NUS1: variants seen among roughly 807,000 people sequenced by gnomAD.
NUS1 encodes dehydrodolichyl diphosphate synthase complex subunit NUS1.
For missense variants in NUS1, 292 were observed against 382.9 expected (o/e 0.76, Z 1.98); for synonymous variants, 135 against 155.2 (o/e 0.87, Z 0.97).
At position 117,710,196 on chromosome 6, in the gene NUS1, G is replaced by T. The variant is rs1773555445; in HGVS notation, c.*3181G>T. 1.3e-5 allele frequency: 2 copies of T among 152,104 alleles called. No homozygotes were observed. Among genetic ancestry groups the T allele is most frequent in the Admixed American group, 6.5e-5 (1 of 15,278 alleles). The allele number at this position is 152,104 out of a possible 1,614,324, so 9.4% of individuals were successfully genotyped here. On this transcript the variant is annotated 3_prime_UTR_variant, in exon 5 of 5. Coordinates refer to ENST00000368494, the MANE Select transcript of NUS1 (RefSeq NM_138459.5). ...TAAGAGTTATGGTTTGTCTTATGCT[G>T]CATAGACTATTCACCTCCTAACTTG...
At chr6:117,678,677 GTTTTT>G in intron 1 of NUS1, among the ~76,000 whole-genome samples, 1 of 100,312 alleles carries the variant, frequency 1.0e-5, no homozygotes, top group Admixed American at 1.1e-4. Flanking sequence ...TTTTTCAGTG[GTTTTT>G]TTTTTTTTTT....
chr6:117,677,127 T>C (rs897913988), intron 1 of NUS1, among the ~76,000 whole-genome samples: 1 of 152,314 alleles, frequency 6.6e-6, no homozygotes, highest in East Asian at 1.9e-4. Flanking sequence ...TCAGTACTTA[T>C]TGGGTAGCTA....
intron 1 of NUS1, among the ~76,000 whole-genome samples, chr6:117,690,228 T>A (rs1773195586): frequency 6.6e-6 from 1 of 152,240 alleles, no homozygotes; most frequent in Non-Finnish European, 1.5e-5. Context: ...TGTTTCAAAA[T>A]GTTCACTTTT....
chr6:117,696,906 A>C (rs1436711811), intron 3 of NUS1, among the ~76,000 whole-genome samples: 6 of 152,254 alleles, frequency 3.9e-5, no homozygotes, highest in Non-Finnish European at 1.5e-5. Flanking sequence ...CTGTCAAGTA[A>C]AAAGACTAAA....
chr6:117,676,735 A>G (rs1027787348), intron 1 of NUS1, among the ~76,000 whole-genome samples: 1 of 152,218 alleles, frequency 6.6e-6, no homozygotes, highest in Non-Finnish European at 1.5e-5. Context: ...CAAAGATCGG[A>G]ATGAGGATAT....
chr6:117,675,514 G>C lies in NUS1; in HGVS notation c.-157G>C. The C allele has an allele frequency of 1.5e-6, 1 of 688,124 alleles. No individual in the cohort carries two copies. Among genetic ancestry groups the C allele is most frequent in the East Asian group, 2.8e-5 (1 of 35,808 alleles). The allele number at this position is 688,124 out of a possible 1,614,324, so 42.6% of individuals were successfully genotyped here. On this transcript the variant is annotated 5_prime_UTR_variant, in exon 1 of 5. Coordinates refer to ENST00000368494, the MANE Select transcript of NUS1 (RefSeq NM_138459.5). ...GCCAAGGGAGGAGGAAGATGGCGGC[G>C]GGGGCGAGGTGAGGTGTTGGCAGTG...
rs114933935 is a variant in NUS1 at position 117,692,665 on chromosome 6, C to T, written c.416-377C>T. On this transcript the variant is annotated intron_variant, in intron 1 of 4. Transcript: ENST00000368494. ...GGTACATTAGACTGTGAGTGAGGAACATAACAGGCTCTAGACCACTGCTGC... is the reference window on the plus strand; with the variant it reads ...GGTACATTAGACTGTGAGTGAGGAATATAACAGGCTCTAGACCACTGCTGC... Among the ~76,000 whole-genome samples, 651 of 152,194 alleles carry T rather than the reference C, an allele frequency of 4.3e-3. 2 individuals are homozygous for T. Among genetic ancestry groups the T allele is most frequent in the African/African-American group, 0.015 (608 of 41,548 alleles).
At chr6:117,701,331 G>A (rs1317397070) in intron 3 of NUS1, among the ~76,000 whole-genome samples, 1 of 148,772 alleles carries the variant, frequency 6.7e-6, no homozygotes. Flanking sequence ...TGCAGACTCT[G>A]CCTCCCGGGT....
At position 117,707,243 on chromosome 6, in the gene NUS1, A is replaced by T. The variant is rs1773514354; in HGVS notation, c.*228A>T. ...TATGGAAATAAACTTATAAATGGGG[A>T]CGTATTGGAGAAGGAAATACATAGA... On this transcript the variant is annotated 3_prime_UTR_variant, in exon 5 of 5. Transcript: ENST00000368494. 1 of 443,304 alleles carries T rather than the reference A, an allele frequency of 2.3e-6. No individual in the cohort carries two copies. The highest frequency in any genetic ancestry group is 3.4e-5 in the Admixed American group (1 of 29,232). 27.5% of individuals were successfully genotyped at this position (443,304 alleles called of 1,614,324 possible).
chr6:117,688,856 CTTAA>C (rs1295508611), intron 1 of NUS1, among the ~76,000 whole-genome samples: 1 of 152,128 alleles, frequency 6.6e-6, no homozygotes, highest in Admixed American at 6.5e-5. Context: ...TATTCATTAT[CTTAA>C]TTACTGAGTT....
rs897599906 is a variant in NUS1 at position 117,710,252 on chromosome 6, G to C, written c.*3237G>C. 1 of 151,526 alleles carries C rather than the reference G, an allele frequency of 6.6e-6. No individual in the cohort carries two copies. Among genetic ancestry groups the C allele is most frequent in the African/African-American group, 2.4e-5 (1 of 41,184 alleles). 9.4% of individuals were successfully genotyped at this position (151,526 alleles called of 1,614,324 possible). On this transcript the variant is annotated 3_prime_UTR_variant, in exon 5 of 5. Coordinates refer to ENST00000368494, the MANE Select transcript of NUS1 (RefSeq NM_138459.5). ...CTAATCATAAGACAATTGTTTTTTT[G>C]TGCATAGTTTTCATCTAAAATTAAG...
rs61619492 is a variant in NUS1, at chr6:117,680,864, G to A, written c.415+4779G>A. Among the ~76,000 whole-genome samples, 489 of 152,240 alleles carry A rather than the reference G, an allele frequency of 3.2e-3. 2 individuals are homozygous for A. Among genetic ancestry groups the A allele is most frequent in the African/African-American group, 0.011 (461 of 41,544 alleles). On this transcript the variant is annotated intron_variant, in intron 1 of 4. Coordinates refer to ENST00000368494, the MANE Select transcript of NUS1 (RefSeq NM_138459.5). ...TTTTTTTTGTGTGCTGCTCTTTCTA[G>A]TGCTATTTCCTTAGTTTATTTAAAT... is the stretch of plus-strand genomic sequence containing the variant.
chr6:117,689,570 T>C (rs140436869), intron 1 of NUS1, among the ~76,000 whole-genome samples: 2,750 of 152,110 alleles, frequency 0.018, 38 homozygotes, highest in Middle Eastern at 0.044. Context: ...TGTTTTTTTT[T>C]GTCTGTTTTA....
At chr6:117,687,678 A>G (rs1403613784) in intron 1 of NUS1, among the ~76,000 whole-genome samples, 1 of 152,164 alleles carries the variant, frequency 6.6e-6, no homozygotes, top group Non-Finnish European at 1.5e-5. Flanking sequence ...AGGCAATTCT[A>G]ATTTGTGGGG....
At chr6:117,688,918 A>G (rs1007946237) in intron 1 of NUS1, among the ~76,000 whole-genome samples, 1 of 152,000 alleles carries the variant, frequency 6.6e-6, no homozygotes, top group Non-Finnish European at 1.5e-5. Flanking sequence ...TACCTCACTT[A>G]TTTTTGTCTG....
chr6:117,693,051 A>G lies in NUS1; in HGVS notation c.425A>G (p.Lys142Arg), dbSNP rs752624625. 3 of 1,605,196 alleles carry G rather than the reference A, an allele frequency of 1.9e-6. No homozygotes were observed. The highest frequency in any genetic ancestry group is 1.3e-5 in the African/African-American group (1 of 74,678). ...TTTTTCTTTTTTAAAGGTATTTTCA[A>G]AAGAAATAATTCCAGATTGATGGAT... ...ISVYDHQGIFKRNNSRLMDEI... is the reference protein window; with the variant it reads ...ISVYDHQGIFRRNNSRLMDEI... The change falls in exon 2 of 5, where the codon AAA (lysine) becomes AGA (arginine). Residue 142 changes from lysine to arginine, a missense_variant. Lys to Arg is a conservative substitution (Grantham distance 26). Transcript: ENST00000368494.
At chr6:117,696,627 A>C (rs1289392580) in intron 3 of NUS1, among the ~76,000 whole-genome samples, 1 of 152,174 alleles carries the variant, frequency 6.6e-6, no homozygotes. Context: ...TATTTTAAAA[A>C]GTGGTGAAAG....
intron 3 of NUS1, 49 bp from the exon 4 acceptor site, chr6:117,703,556 G>A: frequency 8.3e-7 from 1 of 1,208,936 alleles, no homozygotes; most frequent in Non-Finnish European, 1.2e-6. Flanking sequence ...GTGTGTGTGT[G>A]TGCACATGCA....
At chr6:117,692,862 C>T (rs1248961836) in intron 1 of NUS1, among the ~76,000 whole-genome samples, 180 bp from the exon 2 acceptor site, 1 of 152,046 alleles carries the variant, frequency 6.6e-6, no homozygotes, top group Non-Finnish European at 1.5e-5. Flanking sequence ...AAGCCAGACT[C>T]TTGTATTAAC....
Sources: allele counts gnomAD v4.1 joint callset (sites outside exome capture counted in the v4.1 genomes callset), GRCh38; gene constraint gnomAD v4.1.1; transcripts MANE v1.5; gene names NCBI Gene and HGNC (gene_info 2026-07-23, HGNC 2026-07-21).